Variants in GALNT15 observed in about 807,000 individuals in gnomAD.
GALNT15 encodes the protein polypeptide N-acetylgalactosaminyltransferase 15, also known as UDP-GalNAc transferase T15.
In GALNT15, 67 loss-of-function variants were observed where a neutral mutation model predicts 66.8. That is an observed-to-expected ratio of 1.00 (90% confidence interval 0.82 to 1.23). The LOEUF (loss-of-function observed/expected upper bound fraction) is 1.23, where lower values mean the gene tolerates loss of function less well. GALNT15 is among the 50% of genes most tolerant of loss of function. The pLI is 0.00. For missense variants in GALNT15, 827 were observed against 804.3 expected, an observed-to-expected ratio of 1.03 and a Z score of -0.34; for synonymous variants, 313 against 311.5, an observed-to-expected ratio of 1.00 and a Z score of -0.05.
chr3:16,232,426 T>C (rs2064090003), downstream of GALNT15, among the ~76,000 whole-genome samples: 1 of 130,096 alleles, frequency 7.7e-6, no homozygotes, highest in South Asian at 2.6e-4. Context: ...AAAACAAAAA[T>C]TAGCCAGTCT....
rs192267559 is a variant in GALNT15 at position 16,182,108 on chromosome 3, G to T, written c.539+6418G>T. Among the ~76,000 whole-genome samples, 291 of 152,272 alleles carry T rather than the reference G, an allele frequency of 1.9e-3. 2 individuals are homozygous for T. Among genetic ancestry groups the T allele is most frequent in the African/African-American group, 6.6e-3 (275 of 41,528 alleles). ...TGGTTAATCTGCACCTTGTCCTGGG[G>T]TGGGAGGAATTGATGTTATTTACTC... On this transcript the variant is annotated intron_variant, in intron 1 of 9. Coordinates refer to ENST00000339732, the MANE Select transcript of GALNT15 (RefSeq NM_054110.5). This position sits in a 1 kb window ranked among gnomAD's most constrained non-coding sequence, Gnocchi z 6.1.
downstream of GALNT15, among the ~76,000 whole-genome samples, chr3:16,231,078 A>G (rs910964492): frequency 4.0e-4 from 57 of 144,170 alleles, no homozygotes; most frequent in Admixed American, 3.5e-3. The surrounding 1 kb of genome is among the most constrained non-coding windows in gnomAD (Gnocchi z 4.1). Context: ...TCACTCATAC[A>G]TGGGAATTGG....
chr3:16,232,490 ATATATATATATATATATATATTTATTT>A (rs2064093830), downstream of GALNT15, among the ~76,000 whole-genome samples: 1 of 82,786 alleles, frequency 1.2e-5, no homozygotes. Context: ...ATATATATAT[ATATATATATATATATATATATTTATTT>A]AAAAGAGACA....
chr3:16,209,116 G>A lies in GALNT15; in HGVS notation c.1079+446G>A, dbSNP rs182234713. On this transcript the variant is annotated intron_variant, in intron 4 of 9. Transcript: ENST00000339732. The surrounding 1 kb of genome is among the most constrained non-coding windows in gnomAD (Gnocchi z 4.1). ...ACCAGGTGAATGCTAAGAACCATAG[G>A]TCTCAAATATATCCTATTGTATGGG... 3.1e-3 allele frequency among the ~76,000 whole-genome samples: 467 copies of A among 152,210 alleles called. 2 individuals carry two copies. Among genetic ancestry groups the A allele is most frequent in the African/African-American group, 0.011 (440 of 41,516 alleles).
Position 16,180,204 on chromosome 3 carries a change from A to ACTG in GALNT15, c.539+4529_539+4531dup, listed in dbSNP as rs1268761789. ...ATTTGCATTTCTGCAAACTCCTGGT[A>ACTG]CTGCTGCTGCTGCTGCTCCCAATCC... On this transcript the variant is annotated intron_variant, in intron 1 of 9. Transcript: ENST00000339732. The surrounding 1 kb of genome is among the most constrained non-coding windows in gnomAD (Gnocchi z 5.0). Among the ~76,000 whole-genome samples, 6 of 152,174 alleles carry ACTG rather than the reference A, an allele frequency of 3.9e-5. No individual in the cohort carries two copies. Among genetic ancestry groups the ACTG allele is most frequent in the South Asian group, 2.1e-4 (1 of 4,830 alleles).
the GALNT15 span, among the ~76,000 whole-genome samples, chr3:16,238,877 G>A: frequency 6.6e-6 from 1 of 152,160 alleles, no homozygotes; most frequent in Non-Finnish European, 1.5e-5. This position sits in a 1 kb window ranked among gnomAD's most constrained non-coding sequence, Gnocchi z 4.8. Context: ...CAACTCCCAG[G>A]GGCTTAAGAA....
chr3:16,201,428 T>G (rs1012805290), intron 3 of GALNT15, among the ~76,000 whole-genome samples: 9 of 152,068 alleles, frequency 5.9e-5, no homozygotes, highest in Middle Eastern at 3.4e-3. Flanking sequence ...TGATCCGCCC[T>G]CCTCAGCCTC....
At chr3:16,196,791 T>C (rs2063643505) in intron 2 of GALNT15, among the ~76,000 whole-genome samples, 1 of 152,214 alleles carries the variant, frequency 6.6e-6, no homozygotes, top group African/African-American at 2.4e-5. Flanking sequence ...CCTACATTTC[T>C]GGCACAACTA....
rs2063551495 is a variant in GALNT15 at position 16,189,409 on chromosome 3, G to A, written c.540-6351G>A. On this transcript the variant is annotated intron_variant, in intron 1 of 9. Transcript: ENST00000339732. This position sits in a 1 kb window ranked among gnomAD's most constrained non-coding sequence, Gnocchi z 5.1. The stretch of plus-strand genomic sequence containing the variant: ...GAGGAGTAAATGAGATAATGCATGA[G>A]AATATCCTACAAATATCAGTGATTG... 6.6e-6 allele frequency among the ~76,000 whole-genome samples: 1 copy of A among 152,202 alleles called. No homozygotes were observed. Among genetic ancestry groups the A allele is most frequent in the African/African-American group, 2.4e-5 (1 of 41,438 alleles).
In GALNT15 at chr3:16,222,725, G is replaced by C. The variant is rs1331217416; in HGVS notation, c.1740G>C (p.Leu580=). ...VILQNCTEEG[L]AIHQQHWDFQ... is the part of the protein sequence containing the mutation. ...TTCAGAACTGCACGGAGGAAGGCCT[G>C]GCCATCCACCAGCAGCACTGGGACT... The change falls in exon 9 of 10, where the codon CTG becomes CTC. Residue 580 remains leucine, a synonymous_variant. Coordinates refer to ENST00000339732, the MANE Select transcript of GALNT15 (RefSeq NM_054110.5). 9.3e-6 allele frequency: 15 copies of C among 1,614,196 alleles called. No individual in the cohort carries two copies. Among genetic ancestry groups the C allele is most frequent in the Non-Finnish European group, 1.2e-5 (14 of 1,180,042 alleles).
At chr3:16,233,898 T>C (rs1185712040), downstream of GALNT15, among the ~76,000 whole-genome samples, 1 of 152,186 alleles carries the variant, frequency 6.6e-6, no homozygotes, top group Admixed American at 6.5e-5. Context: ...ACAGGGATAC[T>C]GAGAGTGCTG....
Position 16,200,680 on chromosome 3 carries a change from G to A in GALNT15, c.768G>A (p.Arg256=). ...VARLEGVKLL[R]SNKRLGAIRA... ...GGCTGGAGGGGGTGAAGTTACTCAG[G>A]AGCAACAAGAGGCTGGGTGCCATCA... The change falls in exon 3 of 10, where the codon AGG becomes AGA. Residue 256 remains arginine (R), a synonymous_variant. Transcript: ENST00000339732. This position sits in a 1 kb window ranked among gnomAD's most constrained non-coding sequence, Gnocchi z 4.4. The A allele has an allele frequency of 1.2e-6, 2 of 1,607,924 alleles. No homozygotes were observed. Among genetic ancestry groups the A allele is most frequent in the Non-Finnish European group, 1.7e-6 (2 of 1,177,160 alleles).
chr3:16,212,419 C>A, intron 5 of GALNT15, 150 bp from the exon 6 acceptor site: 1 of 727,446 alleles, frequency 1.4e-6, no homozygotes. Context: ...TCTGGAAACT[C>A]TACGCCACCC....
intron 3 of GALNT15, among the ~76,000 whole-genome samples, chr3:16,205,356 C>T (rs922429939): frequency 6.6e-6 from 1 of 152,218 alleles, no homozygotes; most frequent in African/African-American, 2.4e-5. Context: ...TTATGGGAAG[C>T]TTGAAACTAC....
In GALNT15 at chr3:16,198,207, C is replaced by T. The variant is rs569637874; in HGVS notation, c.706+2281C>T. Among the ~76,000 whole-genome samples the T allele has an allele frequency of 1.9e-3, 267 of 142,530 alleles. 40 individuals are homozygous for T. The highest frequency in any genetic ancestry group is 0.015 in the South Asian group (66 of 4,494). 93.5% of individuals were successfully genotyped at this position (142,530 alleles called of 152,430 possible). A position where few individuals can be genotyped will look rare whatever the true frequency, so the allele number is the denominator to read the frequency against. ...GCCATTGGACACCCACCTTCATCTG[C>T]TTTCCACTTCAACATGCTTAGAGAG... On this transcript the variant is annotated intron_variant, in intron 2 of 9. Coordinates refer to ENST00000339732, the MANE Select transcript of GALNT15 (RefSeq NM_054110.5).
At position 16,203,911 on chromosome 3, in the gene GALNT15, C is replaced by T. The variant is rs576976531; in HGVS notation, c.911+3088C>T. Among the ~76,000 whole-genome samples, 193 of 152,202 alleles carry T rather than the reference C, an allele frequency of 1.3e-3. No homozygotes were observed. Among genetic ancestry groups the T allele is most frequent in the African/African-American group, 4.5e-3 (186 of 41,518 alleles). On this transcript the variant is annotated intron_variant, in intron 3 of 9. Transcript: ENST00000339732. The surrounding 1 kb of genome is among the most constrained non-coding windows in gnomAD (Gnocchi z 6.2). ...CCCACGTGCCTCATACAAAGCCAAG[C>T]TGTGGAAGGCATTTGGTGCAGCTCC...
Position 16,187,036 on chromosome 3 carries a change from C to G in GALNT15, c.540-8724C>G, listed in dbSNP as rs938824469. ...ATCCCAGCACTTTGGGAGGCCGAGG[C>G]GGGTGGATCATGAGGTCAGGAGTTC... is the stretch of plus-strand genomic sequence containing the variant. On this transcript the variant is annotated intron_variant, in intron 1 of 9. Coordinates refer to ENST00000339732, the MANE Select transcript of GALNT15 (RefSeq NM_054110.5). The surrounding 1 kb of genome is among the most constrained non-coding windows in gnomAD (Gnocchi z 5.1). 6.6e-6 allele frequency among the ~76,000 whole-genome samples: 1 copy of G among 152,002 alleles called. No homozygotes were observed. The highest frequency in any genetic ancestry group is 1.5e-5 in the Non-Finnish European group (1 of 67,970).
chr3:16,187,130 G>T lies in GALNT15; in HGVS notation c.540-8630G>T, dbSNP rs1474619030. ...AATACAAAAATTAGCGAGGCATGGT[G>T]GTGCATGCCTGTAATCCCAGCTACT... On this transcript the variant is annotated intron_variant, in intron 1 of 9. Transcript: ENST00000339732. The surrounding 1 kb of genome is among the most constrained non-coding windows in gnomAD (Gnocchi z 5.1). Among the ~76,000 whole-genome samples, 1 of 152,034 alleles carries T rather than the reference G, an allele frequency of 6.6e-6. No individual in the cohort carries two copies. The highest frequency in any genetic ancestry group is 1.5e-5 in the Non-Finnish European group (1 of 68,002).
chr3:16,228,363 G>A lies in GALNT15; in HGVS notation c.*863G>A, dbSNP rs1488632717. ...TTCACAGTTGAGAAACTCTCCTGCCGGGCGCGGTGGCTCATGCCTGTAATT... is the reference window on the plus strand; with the variant it reads ...TTCACAGTTGAGAAACTCTCCTGCCAGGCGCGGTGGCTCATGCCTGTAATT... On this transcript the variant is annotated 3_prime_UTR_variant, in exon 10 of 10. Coordinates refer to ENST00000339732, the MANE Select transcript of GALNT15 (RefSeq NM_054110.5). The A allele has an allele frequency of 1.6e-5, 16 of 984,852 alleles. No homozygotes were observed. Among genetic ancestry groups the A allele is most frequent in the African/African-American group, 3.5e-5 (2 of 57,170 alleles). 61.0% of individuals were successfully genotyped at this position (984,852 alleles called of 1,614,324 possible). A position where few individuals can be genotyped will look rare whatever the true frequency, so the allele number is the denominator to read the frequency against.
Sources: allele counts gnomAD v4.1 joint callset (sites outside exome capture counted in the v4.1 genomes callset), GRCh38; gene constraint gnomAD v4.1.1; non-coding constraint Gnocchi (gnomAD v3.1); transcripts MANE v1.5; gene names NCBI Gene and HGNC (gene_info 2026-07-23, HGNC 2026-07-21).